The following ZFYVE9 variants were observed in gnomAD, a reference collection of about 807,000 sequenced individuals.
ZFYVE9 encodes zinc finger FYVE-type containing 9, also known as zinc finger FYVE domain-containing protein 9.
Under a neutral mutation model 126.7 loss-of-function variants are expected in ZFYVE9, and 43 were observed. The observed-to-expected ratio is 0.34, with a 90% CI of 0.27 to 0.44. The LOEUF is 0.44. Ranked by LOEUF, ZFYVE9 falls within the 20% of genes least tolerant of loss-of-function variation. The pLI is 1.00. For synonymous variants in ZFYVE9, 521 were observed against 597.4 expected (o/e 0.87, Z 1.87); for missense variants, 1,476 against 1,697.0 (o/e 0.87, Z 2.29).
chr1:52,182,950 TAAATTAAAAA>T (rs1477557449), intron 1 of ZFYVE9, among the ~76,000 whole-genome samples: 1 of 152,048 alleles, frequency 6.6e-6, no homozygotes, highest in Non-Finnish European at 1.5e-5. Context: ...TAAATGTGAA[TAAATTAAAAA>T]AAATAAGGTG....
At chr1:52,197,734 A>G (rs1390016357) in intron 1 of ZFYVE9, among the ~76,000 whole-genome samples, 1 of 152,248 alleles carries the variant, frequency 6.6e-6, no homozygotes, top group Non-Finnish European at 1.5e-5. Flanking sequence ...AAAAGTGTCC[A>G]TTAGTTTTAA....
At chr1:52,160,422 A>C (rs1644446226) in intron 1 of ZFYVE9, 10 of 1,025,420 alleles carry the variant, frequency 9.8e-6, no homozygotes, top group South Asian at 6.3e-5. Context: ...ACATTCTTCC[A>C]TCCTCCAAAG....
At chr1:52,313,744 A>G (rs1175861568) in intron 13 of ZFYVE9, among the ~76,000 whole-genome samples, 1 of 152,216 alleles carries the variant, frequency 6.6e-6, no homozygotes, top group Non-Finnish European at 1.5e-5. Context: ...GAAAAGGATG[A>G]AAGAATGGGC....
intron 15 of ZFYVE9, among the ~76,000 whole-genome samples, chr1:52,336,372 T>G (rs1240373222): frequency 1.4e-5 from 2 of 138,290 alleles, no homozygotes; most frequent in South Asian, 2.3e-4. Flanking sequence ...TTTTTTGTTT[T>G]TTTTTTTTTT....
chr1:52,143,414 C>T (rs993553032), intron 1 of ZFYVE9, among the ~76,000 whole-genome samples: 12 of 152,030 alleles, frequency 7.9e-5, no homozygotes, highest in African/African-American at 2.9e-4. Flanking sequence ...TTCTTGTTTT[C>T]CTGTTATGTA....
In ZFYVE9 at chr1:52,340,202, G is replaced by T; in HGVS notation, c.3910G>T (p.Ala1304Ser). 6.2e-7 allele frequency: 1 copy of T among 1,613,794 alleles called. No individual in the cohort carries two copies. Among genetic ancestry groups the T allele is most frequent in the Non-Finnish European group, 8.5e-7 (1 of 1,179,750 alleles). The change falls in exon 17 of 19, where the codon GCA becomes TCA. Residue 1304 changes from alanine (A) to serine (S), a missense_variant. By Grantham distance (99) the Ala-to-Ser change is moderately conservative (BLOSUM62 1). Coordinates refer to ENST00000287727, the MANE Select transcript of ZFYVE9 (RefSeq NM_004799.4). ...GATATTCCATGGATCAGAATATAAA[G>T]CAAATGGAAAAGTAATCAGATGGAC... ...VKIFHGSEYK[A>S]NGKVIRWTEV...
intron 2 of ZFYVE9, among the ~76,000 whole-genome samples, chr1:52,224,387 A>G (rs1410514422): frequency 1.3e-5 from 2 of 152,144 alleles, no homozygotes; most frequent in Non-Finnish European, 2.9e-5. Context: ...AGAGGATCCC[A>G]TGCATCTTTA....
At chr1:52,300,589 T>G (rs559494016) in intron 12 of ZFYVE9, among the ~76,000 whole-genome samples, 4 of 150,316 alleles carry the variant, frequency 2.7e-5, no homozygotes, top group Non-Finnish European at 5.9e-5. Flanking sequence ...AGACTCAGTT[T>G]CAAAAGAAAA....
chr1:52,211,313 G>A (rs1047972378), intron 1 of ZFYVE9, among the ~76,000 whole-genome samples: 2 of 152,146 alleles, frequency 1.3e-5, no homozygotes, highest in African/African-American at 2.4e-5. Context: ...TAATGTGACT[G>A]TGACACCTGA....
intron 13 of ZFYVE9, among the ~76,000 whole-genome samples, chr1:52,306,539 C>T (rs1646087144): frequency 6.6e-6 from 1 of 152,260 alleles, no homozygotes; most frequent in Non-Finnish European, 1.5e-5. Context: ...TCGGGACCTG[C>T]CAAATGGCAG....
intron 12 of ZFYVE9, among the ~76,000 whole-genome samples, chr1:52,303,500 G>T (rs886207451): frequency 3.9e-5 from 6 of 152,180 alleles, no homozygotes; most frequent in Admixed American, 3.3e-4. Flanking sequence ...TACTCTCTTG[G>T]AGCTTCAGAG....
At chr1:52,281,629 T>G in intron 9 of ZFYVE9, 32 bp from the exon 10 acceptor site, 1 of 1,609,560 alleles carries the variant, frequency 6.2e-7, no homozygotes, top group South Asian at 1.1e-5. Context: ...GATAGGAATG[T>G]CTTTATTTTT....
intron 13 of ZFYVE9, among the ~76,000 whole-genome samples, chr1:52,325,758 TA>T (rs1646284726): frequency 6.6e-6 from 1 of 152,212 alleles, no homozygotes; most frequent in Admixed American, 6.5e-5. Flanking sequence ...GCCTAACACA[TA>T]TACAAATTGT....
intron 8 of ZFYVE9, among the ~76,000 whole-genome samples, chr1:52,276,629 C>T (rs1053803616): frequency 2.0e-5 from 3 of 152,134 alleles, no homozygotes; most frequent in African/African-American, 7.2e-5. Context: ...CCATTTCTTC[C>T]TTTCTTCTGC....
chr1:52,251,022 CGTTTTTGTTGTT>C (rs1274821721), intron 4 of ZFYVE9, among the ~76,000 whole-genome samples: 11 of 142,660 alleles, frequency 7.7e-5, no homozygotes, highest in Non-Finnish European at 1.5e-4. Flanking sequence ...AGTTTTCAGT[CGTTTTTGTTGTT>C]GTTGTTGTTG....
intron 1 of ZFYVE9, among the ~76,000 whole-genome samples, chr1:52,184,535 C>G (rs1057187759): frequency 7.0e-6 from 1 of 142,760 alleles, no homozygotes; most frequent in Non-Finnish European, 1.5e-5. Context: ...TGTGAGCCAC[C>G]GCATCTGGCC....
chr1:52,187,939 A>G (rs1479992645), intron 1 of ZFYVE9, among the ~76,000 whole-genome samples: 2 of 152,230 alleles, frequency 1.3e-5, no homozygotes, highest in Non-Finnish European at 2.9e-5. Flanking sequence ...AGAGCTAAAA[A>G]CAGAACTATC....
At chr1:52,191,819 A>ACTTAGC (rs1644818821) in intron 1 of ZFYVE9, among the ~76,000 whole-genome samples, 1 of 152,204 alleles carries the variant, frequency 6.6e-6, no homozygotes, top group Non-Finnish European at 1.5e-5. Context: ...GTCTAGCGGC[A>ACTTAGC]CTTAGCAAAG....
intron 18 of ZFYVE9, 47 bp from the exon 19 acceptor site, chr1:52,346,013 G>A (rs749777611): frequency 6.6e-7 from 1 of 1,508,056 alleles, no homozygotes; most frequent in South Asian, 1.3e-5. Flanking sequence ...CCCTGGAGAG[G>A]CCTTCTCTGT....
Sources: gnomAD v4.1 joint callset for allele counts (sites outside exome capture counted in the v4.1 genomes callset) on GRCh38, gnomAD v4.1.1 for gene constraint, MANE v1.5 for transcripts, NCBI Gene and HGNC (gene_info 2026-07-23, HGNC 2026-07-21) for gene names.